The following PLD5 variants were observed in gnomAD, a reference collection of about 807,000 sequenced individuals.
The protein encoded by PLD5 is inactive phospholipase D5.
PLD5 carries 36 observed loss-of-function variants against 61.1 expected under a neutral mutation model. The observed-to-expected ratio is 0.59, with a 90% CI of 0.45 to 0.78. PLD5 has a LOEUF of 0.78. Ranked by LOEUF, PLD5 falls within the 30% of genes least tolerant of loss-of-function variation. The pLI is 0.00. For missense variants in PLD5, 515 were observed against 644.4 expected (o/e 0.80, Z 2.17); for synonymous variants, 243 against 242.8 (o/e 1.00, Z -0.01).
intron 1 of PLD5, among the ~76,000 whole-genome samples, chr1:242,515,229 AGAGT>A (rs1004814295): frequency 4.6e-5 from 7 of 151,732 alleles, no homozygotes; most frequent in African/African-American, 1.7e-4. Context: ...TGAGAGAGAG[AGAGT>A]GTGTGTATCA....
intron 2 of PLD5, chr1:242,345,723 T>A (rs1292999417): frequency 1.4e-6 from 1 of 690,008 alleles, no homozygotes; most frequent in African/African-American, 1.8e-5. Context: ...GAAGATCAAA[T>A]CAAATTCAAA....
intron 7 of PLD5, among the ~76,000 whole-genome samples, chr1:242,110,828 A>T (rs552974111): frequency 6.6e-6 from 1 of 152,058 alleles, no homozygotes; most frequent in Non-Finnish European, 1.5e-5. Flanking sequence ...ACACACACAC[A>T]CCAATGGTTG....
At chr1:242,493,158 T>C (rs1365171362) in intron 1 of PLD5, among the ~76,000 whole-genome samples, 1 of 152,204 alleles carries the variant, frequency 6.6e-6, no homozygotes, top group East Asian at 1.9e-4. Context: ...GCAATTTTCA[T>C]ATATTCTATT....
chr1:242,191,123 G>A (rs1399633280), intron 5 of PLD5, among the ~76,000 whole-genome samples: 2 of 148,830 alleles, frequency 1.3e-5, no homozygotes, highest in African/African-American at 5.2e-5. Context: ...AATAAACTAT[G>A]GAGTTTTTTT....
chr1:242,388,817 G>A (rs1279411666), intron 1 of PLD5, among the ~76,000 whole-genome samples: 11 of 152,130 alleles, frequency 7.2e-5, no homozygotes, highest in Non-Finnish European at 1.3e-4. Context: ...TTAACTGGGC[G>A]TGGTGGCGGG....
chr1:242,215,040 C>A (rs546139690), intron 5 of PLD5, among the ~76,000 whole-genome samples: 2 of 92,284 alleles, frequency 2.2e-5, no homozygotes, highest in Non-Finnish European at 4.5e-5. Flanking sequence ...CCGTGCCTGG[C>A]CAATTTTTTT....
intron 1 of PLD5, among the ~76,000 whole-genome samples, 188 bp downstream of exon 1, chr1:242,523,900 C>T (rs1669358018): frequency 1.3e-5 from 2 of 152,186 alleles, no homozygotes; most frequent in South Asian, 4.1e-4. Context: ...GCCCTCCCCT[C>T]CCCGCAGCCC....
chr1:242,155,288 C>CA (rs1323818539), intron 5 of PLD5, among the ~76,000 whole-genome samples: 2 of 151,840 alleles, frequency 1.3e-5, no homozygotes, highest in African/African-American at 4.8e-5. Flanking sequence ...CTGATCTTTT[C>CA]AAAAAAACCA....
At chr1:242,266,869 C>T (rs1178101854) in intron 3 of PLD5, among the ~76,000 whole-genome samples, 2 of 152,118 alleles carry the variant, frequency 1.3e-5, no homozygotes, top group African/African-American at 4.8e-5. Context: ...GTAATCCCAG[C>T]ACTTTGGGGG....
At chr1:242,247,237 C>T (rs962080398) in intron 4 of PLD5, among the ~76,000 whole-genome samples, 1 of 152,230 alleles carries the variant, frequency 6.6e-6, no homozygotes, top group Non-Finnish European at 1.5e-5. Flanking sequence ...CCGCCTCGGC[C>T]TCCCAGAGTG....
intron 2 of PLD5, among the ~76,000 whole-genome samples, chr1:242,316,847 T>C (rs1180632635): frequency 9.7e-6 from 1 of 103,162 alleles, no homozygotes; most frequent in Non-Finnish European, 2.0e-5. Context: ...CTCCTACTTA[T>C]AAGTGAGAAC....
rs1659409649 is a variant in PLD5 at position 242,085,602 on chromosome 1, A to G, written c.*4252T>C. On this transcript the variant is annotated 3_prime_UTR_variant, in exon 10 of 10. Transcript: ENST00000536534. Reference sequence around the variant, plus strand: ...TTGGAAAATTTTTTACCTTGGGCCAAATGGAAGTTATATTAATTTTGCCTT... The same window carrying G: ...TTGGAAAATTTTTTACCTTGGGCCAGATGGAAGTTATATTAATTTTGCCTT... The G allele has an allele frequency of 6.6e-6, 1 of 152,214 alleles. No homozygotes were observed. The highest frequency in any genetic ancestry group is 1.5e-5 in the Non-Finnish European group (1 of 68,040). The allele number at this position is 152,214 out of a possible 1,614,324, so 9.4% of individuals were successfully genotyped here.
intron 1 of PLD5, among the ~76,000 whole-genome samples, chr1:242,514,255 C>T (rs1669028998): frequency 6.6e-6 from 1 of 152,190 alleles, no homozygotes; most frequent in Non-Finnish European, 1.5e-5. Flanking sequence ...TCACTGCTCT[C>T]CCAAACAGTT....
At chr1:242,165,268 T>C (rs1666218259) in intron 5 of PLD5, among the ~76,000 whole-genome samples, 1 of 152,184 alleles carries the variant, frequency 6.6e-6, no homozygotes, top group African/African-American at 2.4e-5. Flanking sequence ...ACTTTTACCA[T>C]CTTGAGATTT....
intron 1 of PLD5, among the ~76,000 whole-genome samples, chr1:242,482,817 T>G (rs200853993): frequency 8.5e-4 from 130 of 152,170 alleles, no homozygotes; most frequent in Middle Eastern, 6.8e-3. Flanking sequence ...AGAAAGGTCG[T>G]GTTACCCACA....
At chr1:242,232,708 T>C (rs769457783) in intron 4 of PLD5, among the ~76,000 whole-genome samples, 4 of 151,308 alleles carry the variant, frequency 2.6e-5, no homozygotes, top group Admixed American at 6.6e-5. Context: ...ATGGGCAAGG[T>C]GGTGGGTGCC....
intron 4 of PLD5, among the ~76,000 whole-genome samples, chr1:242,221,828 A>AG (rs1354567636): frequency 1.3e-5 from 2 of 152,194 alleles, no homozygotes; most frequent in Non-Finnish European, 2.9e-5. Flanking sequence ...CCACAGACAC[A>AG]GCAGACAGTG....
At chr1:242,471,718 G>C (rs1456201604) in intron 1 of PLD5, among the ~76,000 whole-genome samples, 1 of 152,112 alleles carries the variant, frequency 6.6e-6, no homozygotes, top group Non-Finnish European at 1.5e-5. Flanking sequence ...ACACTGGCTG[G>C]ATTCCTAAAA....
intron 2 of PLD5, among the ~76,000 whole-genome samples, chr1:242,299,554 C>G (rs376935322): frequency 6.6e-6 from 1 of 152,204 alleles, no homozygotes; most frequent in African/African-American, 2.4e-5. Context: ...TCACAACACT[C>G]CATTGCCTCT....
Sources: allele counts gnomAD v4.1 joint callset (sites outside exome capture counted in the v4.1 genomes callset), GRCh38; gene constraint gnomAD v4.1.1; transcripts MANE v1.5; gene names NCBI Gene and HGNC (gene_info 2026-07-23, HGNC 2026-07-21).